GALNT10: variants seen among roughly 807,000 people sequenced by gnomAD.
The protein encoded by GALNT10 is polypeptide N-acetylgalactosaminyltransferase 10.
In GALNT10, 41 loss-of-function variants were observed where a neutral mutation model predicts 75.0. The ratio of observed to expected loss-of-function variants is 0.55; its 90% CI spans 0.43 to 0.71. The LOEUF is 0.71. Among genes scored for constraint, GALNT10 ranks in the 30% least tolerant of loss-of-function variants. GALNT10 has a pLI of 0.00. For synonymous variants in GALNT10, 302 were observed against 313.0 expected, an observed-to-expected ratio of 0.96 and a Z score of 0.37; for missense variants, 727 against 818.5, an observed-to-expected ratio of 0.89 and a Z score of 1.36.
chr5:154,248,055 A>C (rs1753457839), intron 1 of GALNT10, among the ~76,000 whole-genome samples: 1 of 152,218 alleles, frequency 6.6e-6, no homozygotes, highest in Admixed American at 6.5e-5. Context: ...CCTTTTCTGC[A>C]TCTATTGAGA....
At chr5:154,381,802 C>T (rs1755739349) in intron 6 of GALNT10, among the ~76,000 whole-genome samples, 1 of 152,190 alleles carries the variant, frequency 6.6e-6, no homozygotes, top group South Asian at 2.1e-4. Context: ...CCTTGCTTTC[C>T]TTCATACCTC....
chr5:154,254,200 A>T (rs1157543135), intron 1 of GALNT10, among the ~76,000 whole-genome samples: 1 of 152,178 alleles, frequency 6.6e-6, no homozygotes, highest in African/African-American at 2.4e-5. Context: ...TATAGGGTTC[A>T]TAGGGATGCC....
At chr5:154,268,299 G>A (rs151040895) in intron 1 of GALNT10, among the ~76,000 whole-genome samples, 69 of 152,274 alleles carry the variant, frequency 4.5e-4, no homozygotes, top group South Asian at 2.7e-3. Context: ...CACAGTGTTA[G>A]AGGGTCAACC....
chr5:154,359,126 C>T (rs944788798), intron 4 of GALNT10, among the ~76,000 whole-genome samples: 1 of 152,108 alleles, frequency 6.6e-6, no homozygotes, highest in East Asian at 1.9e-4. Flanking sequence ...CATTTTGGAG[C>T]GGAGTGGGGC....
chr5:154,319,743 A>T (rs912045423), intron 3 of GALNT10, among the ~76,000 whole-genome samples: 3 of 152,216 alleles, frequency 2.0e-5, no homozygotes, highest in African/African-American at 7.2e-5. Context: ...GGACAAAAGG[A>T]TGCTTCTTGT....
At chr5:154,303,737 T>C (rs1754392628) in intron 3 of GALNT10, among the ~76,000 whole-genome samples, 1 of 152,174 alleles carries the variant, frequency 6.6e-6, no homozygotes, top group African/African-American at 2.4e-5. Flanking sequence ...AAATATATAA[T>C]GCACCCAGAA....
intron 3 of GALNT10, among the ~76,000 whole-genome samples, chr5:154,319,873 G>A (rs988103193): frequency 1.1e-4 from 16 of 152,182 alleles, no homozygotes; most frequent in Non-Finnish European, 1.6e-4. Flanking sequence ...TGTGAGTGGC[G>A]GCTTTCTATT....
At chr5:154,405,876 GT>G (rs201645212) in intron 8 of GALNT10, among the ~76,000 whole-genome samples, 3 of 146,702 alleles carry the variant, frequency 2.0e-5, no homozygotes, top group Admixed American at 6.8e-5. Context: ...TGTTGCTGTT[GT>G]TTTTTTTTTT....
intron 1 of GALNT10, among the ~76,000 whole-genome samples, chr5:154,271,867 C>A (rs539755387): frequency 6.6e-6 from 1 of 152,324 alleles, no homozygotes; most frequent in East Asian, 1.9e-4. Context: ...TCCTCCCTAC[C>A]TCCAGCTGCT....
intron 1 of GALNT10, among the ~76,000 whole-genome samples, chr5:154,261,274 A>AAG (rs1286271751): frequency 6.6e-6 from 1 of 152,052 alleles, no homozygotes; most frequent in African/African-American, 2.4e-5. Context: ...AAAGAAAAAA[A>AAG]AACAGCATTA....
At chr5:154,350,673 A>T (rs1388227654) in intron 4 of GALNT10, among the ~76,000 whole-genome samples, 2 of 152,132 alleles carry the variant, frequency 1.3e-5, no homozygotes, top group Non-Finnish European at 2.9e-5. Context: ...AAAAACTCCC[A>T]CCTTGGCTGA....
intron 1 of GALNT10, among the ~76,000 whole-genome samples, chr5:154,236,495 T>A (rs766548137): frequency 2.6e-5 from 4 of 152,220 alleles, no homozygotes; most frequent in Non-Finnish European, 4.4e-5. Context: ...CTGGTCTTCT[T>A]TTTAGCATCT....
At chr5:154,321,077 G>A (rs1478714062) in intron 3 of GALNT10, among the ~76,000 whole-genome samples, 1 of 151,994 alleles carries the variant, frequency 6.6e-6, no homozygotes, top group African/African-American at 2.4e-5. Context: ...ATTATACAGC[G>A]AACACCCATG....
intron 1 of GALNT10, among the ~76,000 whole-genome samples, chr5:154,191,521 G>C (rs992718300): frequency 1.5e-5 from 2 of 134,516 alleles, no homozygotes; most frequent in African/African-American, 5.6e-5. Context: ...TCTGCCCAAC[G>C]AGACACCCGG....
At chr5:154,329,335 C>T in intron 3 of GALNT10, 1 of 492,418 alleles carries the variant, frequency 2.0e-6, no homozygotes, top group Non-Finnish European at 3.7e-6. Flanking sequence ...CACAACTATT[C>T]AAACTCAGGG....
At chr5:154,337,193 CA>C (rs1026073918) in intron 4 of GALNT10, among the ~76,000 whole-genome samples, 4 of 150,584 alleles carry the variant, frequency 2.7e-5, no homozygotes, top group Non-Finnish European at 5.9e-5. Context: ...AGCATGGGTG[CA>C]AAAAAAAATC....
chr5:154,267,559 T>C (rs480288), intron 1 of GALNT10, among the ~76,000 whole-genome samples: 9,816 of 152,260 alleles, frequency 0.064, 870 homozygotes, highest in African/African-American at 0.2. Flanking sequence ...CTGGAAAATA[T>C]GCTACTTAGA....
At chr5:154,366,529 G>A (rs1755477526) in intron 4 of GALNT10, among the ~76,000 whole-genome samples, 2 of 152,154 alleles carry the variant, frequency 1.3e-5, no homozygotes, top group Admixed American at 1.3e-4. Context: ...TTTGACTAAG[G>A]GGGTTAGGTC....
rs141766825 is a variant in GALNT10, at chr5:154,296,594, T to C, written c.263-1347T>C. 1.9e-3 allele frequency among the ~76,000 whole-genome samples: 292 copies of C among 152,252 alleles called. 1 individual carries two copies. Among genetic ancestry groups the C allele is most frequent in the African/African-American group, 6.6e-3 (274 of 41,548 alleles). On this transcript the variant is annotated intron_variant, in intron 2 of 11. Coordinates refer to ENST00000297107, the MANE Select transcript of GALNT10 (RefSeq NM_198321.4). ...CATTACCTCCTTAATCATCACATCA[T>C]TCACATTGAACCTTCTCATTCTAAT... is the stretch of plus-strand genomic sequence containing the variant.
Sources: allele counts gnomAD v4.1 joint callset (sites outside exome capture counted in the v4.1 genomes callset), GRCh38; gene constraint gnomAD v4.1.1; transcripts MANE v1.5; gene names NCBI Gene and HGNC (gene_info 2026-07-23, HGNC 2026-07-21).